Variants in SLC13A4 observed in about 807,000 individuals in gnomAD.
SLC13A4 encodes solute carrier family 13 member 4, also known as Na(+)/sulfate cotransporter SUT-1.
A neutral mutation model predicts 72.7 loss-of-function variants in SLC13A4; 28 were observed. The observed-to-expected ratio is 0.39, with a 90% CI of 0.29 to 0.53. The LOEUF is 0.53. SLC13A4 is among the 20% of genes least tolerant of loss of function. SLC13A4 has a pLI of 0.78. For synonymous variants in SLC13A4, 312 were observed against 325.5 expected (o/e 0.96, Z 0.45); for missense variants, 653 against 788.0 (o/e 0.83, Z 2.05).
rs1296191504 is a variant in SLC13A4 at position 135,728,175 on chromosome 7, C to T, written c.-679G>A. The T allele has an allele frequency of 2.6e-5, 4 of 152,256 alleles. No homozygotes were observed. Among genetic ancestry groups the T allele is most frequent in the African/African-American group, 9.6e-5 (4 of 41,524 alleles). The allele number at this position is 152,256 out of a possible 1,614,324, so 9.4% of individuals were successfully genotyped here. A position where few individuals can be genotyped will look rare whatever the true frequency, so the allele number is the denominator to read the frequency against. On this transcript the variant is annotated 5_prime_UTR_variant, in exon 1 of 16. Coordinates refer to ENST00000682651, the MANE Select transcript of SLC13A4 (RefSeq NM_001318192.2). The stretch of plus-strand genomic sequence containing the variant: ...ACTTATAATTTGCCTTGAGCCTGGG[C>T]CTGCAAAGCAGAAAAGAAAAGTCCC...
At chr7:135,702,725 A>C (rs3112345) in intron 6 of SLC13A4, 120 bp downstream of exon 6, 2 of 835,078 alleles carry the variant, frequency 2.4e-6, no homozygotes, top group Non-Finnish European at 2.1e-6. Flanking sequence ...CCTCACTGAA[A>C]GGAACTCTAA....
chr7:135,691,161 CA>C lies in SLC13A4; in HGVS notation c.1446+39del, dbSNP rs10659389. On this transcript the variant is annotated intron_variant, in intron 13 of 15. Transcript: ENST00000682651. ...CCTGGGTGACAGAGCAAGACTGTCT[CA>C]AAAAAAAAAACCCCAAAAAAACAGA... 8,806 of 1,151,796 alleles carry C rather than the reference CA, an allele frequency of 7.6e-3. 38 individuals carry two copies. The highest frequency in any genetic ancestry group is 0.037 in the African/African-American group (2,236 of 60,002). 71.3% of individuals were successfully genotyped at this position (1,151,796 alleles called of 1,614,324 possible). A position where few individuals can be genotyped will look rare whatever the true frequency, so the allele number is the denominator to read the frequency against.
chr7:135,691,079 G>A lies in SLC13A4; in HGVS notation c.1446+122C>T, dbSNP rs553256171. The A allele has an allele frequency of 4.2e-5, 34 of 808,132 alleles. No individual in the cohort carries two copies. The African/African-American group carries it at 5.7e-4, about 14-fold the overall frequency. 50.1% of individuals were successfully genotyped at this position (808,132 alleles called of 1,614,324 possible). A position where few individuals can be genotyped will look rare whatever the true frequency, so the allele number is the denominator to read the frequency against. ...CTTGGGAGGCTGAGGCAAGAGAATC[G>A]CTTGAACCCAGGAGGCGGAGGTTGC... On this transcript the variant is annotated intron_variant, in intron 13 of 15. Coordinates refer to ENST00000682651, the MANE Select transcript of SLC13A4 (RefSeq NM_001318192.2).
At position 135,727,418 on chromosome 7, in the gene SLC13A4, G is replaced by T. The variant is rs748640981; in HGVS notation, c.79C>A (p.Pro27Thr). Reference sequence around the variant, plus strand: ...CTCACGCTGCTGGGGTGGAGGACGGGCAGAGGCAGCAGCAGGAGCGGGACG... The same window carrying T: ...CTCACGCTGCTGGGGTGGAGGACGGTCAGAGGCAGCAGCAGGAGCGGGACG... ...VCVPLLLLPLPVLHPSSEASC... is the reference protein window; with the variant it reads ...VCVPLLLLPLTVLHPSSEASC... The change falls in exon 1 of 16, where the codon CCC becomes ACC. Residue 27 changes from proline to threonine, a missense_variant. Pro to Thr is a conservative substitution (Grantham distance 38, BLOSUM62 -1). Coordinates refer to ENST00000682651, the MANE Select transcript of SLC13A4 (RefSeq NM_001318192.2). 6.5e-7 allele frequency: 1 copy of T among 1,549,654 alleles called. No homozygotes were observed. The highest frequency in any genetic ancestry group is 8.7e-7 in the Non-Finnish European group (1 of 1,146,910).
intron 7 of SLC13A4, among the ~76,000 whole-genome samples, chr7:135,700,242 C>T (rs1456463473): frequency 6.6e-6 from 1 of 152,112 alleles, no homozygotes; most frequent in Non-Finnish European, 1.5e-5. Flanking sequence ...AGTTGTGGTC[C>T]TCTCTGAGCC....
chr7:135,704,130 G>C (rs1796106535), intron 5 of SLC13A4: 2 of 152,346 alleles, frequency 1.3e-5, no homozygotes, highest in Non-Finnish European at 2.9e-5. Flanking sequence ...AGGAGAAAAG[G>C]CCACAGTGAG....
At chr7:135,704,162 C>G (rs1796107471) in intron 5 of SLC13A4, 1 of 152,372 alleles carries the variant, frequency 6.6e-6, no homozygotes, top group Non-Finnish European at 1.5e-5. Flanking sequence ...CCTGGGTCAC[C>G]TGGGACAGGC....
intron 2 of SLC13A4, among the ~76,000 whole-genome samples, chr7:135,711,383 T>C (rs1396871809): frequency 6.6e-6 from 1 of 152,192 alleles, no homozygotes; most frequent in African/African-American, 2.4e-5. Flanking sequence ...AGTGCCTAAA[T>C]GACAGGTAGG....
rs1266651509 is a variant in SLC13A4, at chr7:135,695,356, C to G, written c.1019+12G>C. ...GGCTTCAGTGCTTTGCTGAAAGGGC[C>G]CTGGAACTCACTTGCAGCCCAGGAA... On this transcript the variant is annotated intron_variant, in intron 9 of 15. Coordinates refer to ENST00000682651, the MANE Select transcript of SLC13A4 (RefSeq NM_001318192.2). The G allele has an allele frequency of 1.2e-6, 2 of 1,613,646 alleles. No individual in the cohort carries two copies. Among genetic ancestry groups the G allele is most frequent in the Non-Finnish European group, 1.7e-6 (2 of 1,179,806 alleles).
rs779817826 is a variant in SLC13A4, at chr7:135,708,101, A to C, written c.365+13T>G. 43 of 1,611,156 alleles carry C rather than the reference A, an allele frequency of 2.7e-5. 1 individual carries two copies. Among genetic ancestry groups the C allele is most frequent in the African/African-American group, 4.0e-5 (3 of 74,920 alleles). On this transcript the variant is annotated intron_variant, in intron 3 of 15. Transcript: ENST00000682651. Reference sequence around the variant, plus strand: ...AGGATGCCCTATGTCCTGGCATCCCAAATAAGACTTACATGCCCGGCTTGG... The same window carrying C: ...AGGATGCCCTATGTCCTGGCATCCCCAATAAGACTTACATGCCCGGCTTGG...
At chr7:135,692,789 A>C (rs1795820181) in intron 10 of SLC13A4, 1 of 195,144 alleles carries the variant, frequency 5.1e-6, no homozygotes, top group Non-Finnish European at 1.0e-5. Context: ...TTGATGATAC[A>C]CATTAGAAGC....
chr7:135,698,235 G>T (rs1323287357), intron 8 of SLC13A4, among the ~76,000 whole-genome samples: 1 of 151,542 alleles, frequency 6.6e-6, no homozygotes, highest in Non-Finnish European at 1.5e-5. Flanking sequence ...GTTTCACCAT[G>T]TTGGCCAGGC....
chr7:135,694,370 A>G, intron 9 of SLC13A4, 132 bp from the exon 10 acceptor site: 1 of 610,640 alleles, frequency 1.6e-6, no homozygotes, highest in Non-Finnish European at 2.9e-6. Flanking sequence ...CTATCCCTCT[A>G]TCCCCCACCT....
intron 2 of SLC13A4, among the ~76,000 whole-genome samples, chr7:135,715,363 ATG>A (rs369584800): frequency 0.016 from 1,893 of 117,874 alleles, 41 homozygotes; most frequent in African/African-American, 0.061. Context: ...GTATGAGTGT[ATG>A]TGTATGAGTG....
At chr7:135,727,248 G>C (rs75131182) in intron 1 of SLC13A4, 150 bp downstream of exon 1, 413 of 1,032,808 alleles carry the variant, frequency 4.0e-4, no homozygotes, top group Non-Finnish European at 5.0e-4. Flanking sequence ...AAGATATCTT[G>C]GTTTCCTCTG....
intron 7 of SLC13A4, among the ~76,000 whole-genome samples, chr7:135,700,807 C>G (rs141970066): frequency 1.1e-4 from 17 of 152,276 alleles, no homozygotes; most frequent in African/African-American, 4.1e-4. Context: ...ACCATGCCAG[C>G]TAATGATTTT....
chr7:135,725,009 C>T (rs1184798288), intron 1 of SLC13A4, among the ~76,000 whole-genome samples: 1 of 152,180 alleles, frequency 6.6e-6, no homozygotes, highest in Non-Finnish European at 1.5e-5. Flanking sequence ...TGTCAGGTCT[C>T]GCTCATCTTC....
chr7:135,704,174 T>C (rs1419853052), intron 5 of SLC13A4: 1 of 152,378 alleles, frequency 6.6e-6, no homozygotes, highest in African/African-American at 2.4e-5. Context: ...GGGACAGGCC[T>C]GCCCAGAGGC....
At chr7:135,703,020 A>G in intron 5 of SLC13A4, 136 bp from the exon 6 acceptor site, 3 of 654,420 alleles carry the variant, frequency 4.6e-6, no homozygotes, top group East Asian at 2.7e-5. Context: ...AGAGAAGACT[A>G]ATCTCTCCCT....
Sources: allele counts gnomAD v4.1 joint callset (sites outside exome capture counted in the v4.1 genomes callset), GRCh38; gene constraint gnomAD v4.1.1; transcripts MANE v1.5; gene names NCBI Gene and HGNC (gene_info 2026-07-23, HGNC 2026-07-21).